FHOD1: variants seen among roughly 807,000 people sequenced by gnomAD.
FHOD1 encodes the protein formin homology 2 domain containing 1.
In FHOD1, 89 loss-of-function variants were observed where a neutral mutation model predicts 111.6. That is an observed-to-expected ratio of 0.80 (90% CI 0.67 to 0.95). The LOEUF (loss-of-function observed/expected upper bound fraction) is 0.95, where lower values mean the gene tolerates loss of function less well. Ranked by LOEUF, FHOD1 falls within the 40% of genes least tolerant of loss-of-function variation. The probability of loss-of-function intolerance (pLI) is 0.00; values close to 1 mark genes in which losing one functional copy is unlikely to be tolerated. For missense variants in FHOD1, 1,446 were observed against 1,554.2 expected (o/e 0.93, Z 1.17); for synonymous variants, 618 against 639.0 (o/e 0.97, Z 0.50).
In FHOD1 at chr16:67,238,247, C is replaced by T; in HGVS notation, c.502G>A (p.Val168Met). 2 of 1,614,192 alleles carry T rather than the reference C, an allele frequency of 1.2e-6. No individual in the cohort carries two copies. The highest frequency in any genetic ancestry group is 1.7e-6 in the Non-Finnish European group (2 of 1,180,026). ...TAGTTGTGGTCGGCAGCAGCACCCACACGGATCAGGCAGCTCAGCCCCTCT... is the reference window on the plus strand; with the variant it reads ...TAGTTGTGGTCGGCAGCAGCACCCATACGGATCAGGCAGCTCAGCCCCTCT... ...HSEGLSCLIR[V>M]GAAADHNYQS... Residue 168 changes from valine (V) to methionine (M), a missense_variant, in exon 5 of 22, where the codon GTG (valine) becomes ATG (methionine). Coordinates refer to ENST00000258201, the MANE Select transcript of FHOD1 (RefSeq NM_013241.3). This position sits in a 1 kb window ranked among gnomAD's most constrained non-coding sequence, Gnocchi z 4.2.
In FHOD1 at chr16:67,231,198, C is replaced by T. The variant is rs377382219; in HGVS notation, c.2657G>A (p.Arg886His). The T allele has an allele frequency of 1.5e-4, 237 of 1,613,900 alleles. No individual in the cohort carries two copies. The highest frequency in any genetic ancestry group is 1.9e-4 in the Non-Finnish European group (220 of 1,179,940). ...DLYSEIPALT[R>H]CAKVDFEQLT... ...CTGGCAGGTGCTAACCTTGGCACAG[C>T]GGGTCAGGGCAGGGATTTCTGAATA... The change falls in exon 17 of 22, where the codon CGC becomes CAC. Residue 886 changes from arginine (R) to histidine (H), a missense_variant. Arg to His is a conservative substitution (Grantham distance 29). Around this residue, in one of 3 missense-constraint regions of FHOD1, gnomAD observed 1,085 missense variants for 1,108.8 expected, o/e 0.98. Coordinates refer to ENST00000258201, the MANE Select transcript of FHOD1 (RefSeq NM_013241.3). The surrounding 1 kb of genome is among the most constrained non-coding windows in gnomAD (Gnocchi z 4.3).
chr16:67,229,811 G>C lies in FHOD1; in HGVS notation c.3394C>G (p.Arg1132Gly), dbSNP rs775105803. 6.2e-7 allele frequency: 1 copy of C among 1,614,092 alleles called. No individual in the cohort carries two copies. Among genetic ancestry groups the C allele is most frequent in the Non-Finnish European group, 8.5e-7 (1 of 1,180,048 alleles). ...ALAARERKRSRGNRKSLRRTL... is the reference protein window; with the variant it reads ...ALAARERKRSGGNRKSLRRTL... ...TACTTACAAGACTTGCGGTTGCCGC[G>C]GGAACGCTTGCGTTCCCTAGCAGCT... The change falls in exon 21 of 22, where the codon CGC (arginine) becomes GGC (glycine). Residue 1132 changes from arginine (R) to glycine (G), a missense_variant. Physicochemically the swap from Arg to Gly is moderately radical, Grantham distance 125 (BLOSUM62 -2). Around this residue, in one of 3 missense-constraint regions of FHOD1, gnomAD observed 1,085 missense variants for 1,108.8 expected, o/e 0.98. Transcript: ENST00000258201.
chr16:67,243,815 T>C (rs1439729399), intron 1 of FHOD1, among the ~76,000 whole-genome samples: 1 of 152,176 alleles, frequency 6.6e-6, no homozygotes, highest in Non-Finnish European at 1.5e-5. Context: ...ACGCACCCCA[T>C]GCAAGTTAGG....
intron 1 of FHOD1, among the ~76,000 whole-genome samples, chr16:67,245,345 T>C (rs987967905): frequency 3.3e-5 from 5 of 152,144 alleles, no homozygotes; most frequent in Non-Finnish European, 7.4e-5. Context: ...GCAGAGCACC[T>C]GGTAGGGTTG....
At chr16:67,232,361 C>CA (rs1002934047) in intron 13 of FHOD1, among the ~76,000 whole-genome samples, 167 bp from the exon 14 acceptor site, 15 of 151,438 alleles carry the variant, frequency 9.9e-5, no homozygotes, top group Admixed American at 9.2e-4. Context: ...ACTAAAAATA[C>CA]AAAAAAAATT....
intron 1 of FHOD1, 194 bp downstream of exon 1, chr16:67,247,016 C>T: frequency 1.6e-6 from 1 of 618,948 alleles, no homozygotes; most frequent in Non-Finnish European, 2.7e-6. Flanking sequence ...TCCTGGCACC[C>T]CTCTTCAGTT....
rs2142287217 is a variant in FHOD1 at position 67,237,320 on chromosome 16, C to T, written c.912G>A (p.Gln304=). The T allele has an allele frequency of 1.2e-6, 2 of 1,614,110 alleles. No homozygotes were observed. The highest frequency in any genetic ancestry group is 2.2e-5 in the South Asian group (2 of 91,086). ...FYDVTDALEQ[Q]GMEALVQRHL... is the part of the protein sequence containing the mutation. ...GGCGCTGGACCAGCGCTTCCATGCC[C>T]TGCTGCTCCAGTGCATCCGTCACAT... Residue 304 remains glutamine, a synonymous_variant, in exon 9 of 22, where the codon CAG becomes CAA. Coordinates refer to ENST00000258201, the MANE Select transcript of FHOD1 (RefSeq NM_013241.3). This position sits in a 1 kb window ranked among gnomAD's most constrained non-coding sequence, Gnocchi z 5.6.
At position 67,234,184 on chromosome 16, in the gene FHOD1, C is replaced by A. The variant is rs947794746; in HGVS notation, c.1519G>T (p.Ala507Ser). The change falls in exon 13 of 22, where the codon GCC becomes TCC. Residue 507 changes from alanine to serine, a missense_variant. This residue lies in a region of FHOD1 where 1,085 missense variants were observed against 1,108.8 expected (regional missense o/e 0.98). Coordinates refer to ENST00000258201, the MANE Select transcript of FHOD1 (RefSeq NM_013241.3). ...QSPAPCVLLR[A>S]QRSLAPEPKE... Reference sequence around the variant, plus strand: ...GGCTCTGGTGCAAGGCTTCGCTGGGCCCGGAGCAGGACACAGGGGGCAGGG... The same window carrying A: ...GGCTCTGGTGCAAGGCTTCGCTGGGACCGGAGCAGGACACAGGGGGCAGGG... 7 of 1,550,904 alleles carry A rather than the reference C, an allele frequency of 4.5e-6. No individual in the cohort carries two copies. In the Admixed American group the frequency reaches 9.4e-5, roughly 21 times the overall value.
In FHOD1 at chr16:67,247,471, C is replaced by A; in HGVS notation, c.-61G>T. The A allele has an allele frequency of 6.4e-7, 1 of 1,554,200 alleles. No individual in the cohort carries two copies. The highest frequency in any genetic ancestry group is 8.8e-7 in the Non-Finnish European group (1 of 1,141,358). Reference sequence around the variant, plus strand: ...TCCCGGCCCCAGTGCAGCTTCTACTCAAAGCACACTGTAGCTCCGCGGTTC... The same window carrying A: ...TCCCGGCCCCAGTGCAGCTTCTACTAAAAGCACACTGTAGCTCCGCGGTTC... On this transcript the variant is annotated 5_prime_UTR_variant, in exon 1 of 22. Coordinates refer to ENST00000258201, the MANE Select transcript of FHOD1 (RefSeq NM_013241.3).
Position 67,236,667 on chromosome 16 carries a change from G to C in FHOD1, c.1209C>G (p.Pro403=). The C allele has an allele frequency of 6.2e-7, 1 of 1,607,946 alleles. No individual in the cohort carries two copies. Among genetic ancestry groups the C allele is most frequent in the Non-Finnish European group, 8.5e-7 (1 of 1,177,254 alleles). ...AGGGAGGGCCCACAGGGCTGGAGGC[G>C]GGGCCTGTCAGCAGGGCGGGGCCGG... ...SSTGPALLTG[P]ASSPVGPPSG... Residue 403 remains proline, a synonymous_variant, in exon 11 of 22, where the codon CCC becomes CCG. Transcript: ENST00000258201.
At chr16:67,242,075 TCTC>T (rs1364412073) in intron 1 of FHOD1, among the ~76,000 whole-genome samples, 2 of 152,132 alleles carry the variant, frequency 1.3e-5, no homozygotes, top group African/African-American at 4.8e-5. Flanking sequence ...TTCAAGCAAT[TCTC>T]CTACCTCAGC....
chr16:67,240,595 C>T (rs564958332), intron 1 of FHOD1, among the ~76,000 whole-genome samples: 2 of 152,338 alleles, frequency 1.3e-5, no homozygotes, highest in South Asian at 4.1e-4. Context: ...CAAAGCCTGC[C>T]TTTGTAACAA....
At chr16:67,236,489 T>C in intron 11 of FHOD1, 68 bp downstream of exon 11, 1 of 1,571,378 alleles carries the variant, frequency 6.4e-7, no homozygotes, top group Admixed American at 1.9e-5. Context: ...TGAGTGCCCA[T>C]GGAGGGGCGC....
At position 67,234,198 on chromosome 16, in the gene FHOD1, C is replaced by T; in HGVS notation, c.1505G>A (p.Cys502Tyr). ...GCTTCGCTGGGCCCGGAGCAGGACACAGGGGGCAGGGCTCTGGGGTGTTCT... is the reference window on the plus strand; with the variant it reads ...GCTTCGCTGGGCCCGGAGCAGGACATAGGGGGCAGGGCTCTGGGGTGTTCT... ...AARTPQSPAP[C>Y]VLLRAQRSLA... The change falls in exon 13 of 22, where the codon TGT (cysteine) becomes TAT (tyrosine). Residue 502 changes from cysteine (C) to tyrosine (Y), a missense_variant. Physicochemically the swap from Cys to Tyr is radical, Grantham distance 194. Coordinates refer to ENST00000258201, the MANE Select transcript of FHOD1 (RefSeq NM_013241.3). The T allele has an allele frequency of 1.3e-6, 2 of 1,548,284 alleles. No homozygotes were observed. The highest frequency in any genetic ancestry group is 1.7e-6 in the Non-Finnish European group (2 of 1,145,582).
At position 67,231,638 on chromosome 16, in the gene FHOD1, C is replaced by G; in HGVS notation, c.2384G>C (p.Arg795Pro). ...TGTCCCACTCCAAGACCCAGGTACC[C>G]GCTCCATGCTGTCATAGTCCAGCTT... ...AFKLDYDSME[R>P]EIAEPLFDLK... The change falls in exon 15 of 22, where the codon CGG becomes CCG. Residue 795 changes from arginine (R) to proline (P), a missense_variant and splice_region_variant. Around this residue, in one of 3 missense-constraint regions of FHOD1, gnomAD observed 1,085 missense variants for 1,108.8 expected, o/e 0.98. Transcript: ENST00000258201. The surrounding 1 kb of genome is among the most constrained non-coding windows in gnomAD (Gnocchi z 4.3). 1 of 1,614,106 alleles carries G rather than the reference C, an allele frequency of 6.2e-7. No homozygotes were observed.
In FHOD1 at chr16:67,236,619, GTTCACT is replaced by G; in HGVS notation, c.1251_1256del (p.Val418_Asn419del). On this transcript the variant is annotated inframe_deletion, in exon 11 of 22. Coordinates refer to ENST00000258201, the MANE Select transcript of FHOD1 (RefSeq NM_013241.3). ...GTGCCACAGAGATGGTAGGAAAAAG[GTTCACT>G]GAAGCTTGGAGACCGGAGGGAGGGC... 1 of 1,613,746 alleles carries G rather than the reference GTTCACT, an allele frequency of 6.2e-7. No individual in the cohort carries two copies. The highest frequency in any genetic ancestry group is 8.5e-7 in the Non-Finnish European group (1 of 1,179,906).
chr16:67,233,950 G>T lies in FHOD1; in HGVS notation c.1753C>A (p.Pro585Thr), dbSNP rs758519818. 1.9e-5 allele frequency: 30 copies of T among 1,596,856 alleles called. No individual in the cohort carries two copies. The East Asian group carries it at 3.4e-4, about 18-fold the overall frequency. ...GGTGGGGGAGGTGGAAGTGGGGGAG[G>T]GGGGGGTACTCCCGAGAGCAGGGGC... ...PLPLLSGVPP[P>T]PPLPPPPPIK... The change falls in exon 13 of 22, where the codon CCT becomes ACT. Residue 585 changes from proline to threonine, a missense_variant. This residue lies in a region of FHOD1 where 1,085 missense variants were observed against 1,108.8 expected (regional missense o/e 0.98). Coordinates refer to ENST00000258201, the MANE Select transcript of FHOD1 (RefSeq NM_013241.3).
In FHOD1 at chr16:67,247,481, T is replaced by G; in HGVS notation, c.-71A>C. ...AGTGCAGCTTCTACTCAAAGCACAC[T>G]GTAGCTCCGCGGTTCGGGCCCGGCC... On this transcript the variant is annotated 5_prime_UTR_variant, in exon 1 of 22. Transcript: ENST00000258201. 6.6e-7 allele frequency: 1 copy of G among 1,505,218 alleles called. No homozygotes were observed. Among genetic ancestry groups the G allele is most frequent in the Admixed American group, 1.9e-5 (1 of 51,616 alleles). 93.2% of individuals were successfully genotyped at this position (1,505,218 alleles called of 1,614,324 possible).
At position 67,237,732 on chromosome 16, in the gene FHOD1, A is replaced by C. The variant is rs184602535; in HGVS notation, c.679T>G (p.Leu227Val). Residue 227 changes from leucine (L) to valine (V), a missense_variant, in exon 7 of 22, where the codon TTG becomes GTG. Transcript: ENST00000258201. This position sits in a 1 kb window ranked among gnomAD's most constrained non-coding sequence, Gnocchi z 5.6. ...LVVKTALKLL[L>V]VFVEYSENNA... is the part of the protein sequence containing the mutation. ...TTTTCGGAGTATTCTACAAACACCAACAGCAGCTTCAGGGCTGTCTTCACC... is the reference window on the plus strand; with the variant it reads ...TTTTCGGAGTATTCTACAAACACCACCAGCAGCTTCAGGGCTGTCTTCACC... 4.3e-6 allele frequency: 7 copies of C among 1,614,222 alleles called. No individual in the cohort carries two copies. In the Admixed American group the frequency reaches 1.2e-4, roughly 27 times the overall value.
Sources: gnomAD v4.1 joint callset for allele counts (sites outside exome capture counted in the v4.1 genomes callset) on GRCh38, gnomAD v4.1.1 for gene constraint, gnomAD v4.1.1 regional missense constraint, Gnocchi (gnomAD v3.1) non-coding constraint, MANE v1.5 for transcripts, NCBI Gene and HGNC (gene_info 2026-07-23, HGNC 2026-07-21) for gene names.